The following ACTR3C variants were observed in gnomAD, a reference collection of about 807,000 sequenced individuals.
The protein encoded by ACTR3C is actin-related protein 3C.
Under a neutral mutation model 26.3 loss-of-function variants are expected in ACTR3C, and 18 were observed. That is an observed-to-expected ratio of 0.68 (90% CI 0.47 to 1.01). The LOEUF (loss-of-function observed/expected upper bound fraction) is 1.01. Among genes scored for constraint, ACTR3C ranks in the 50% least tolerant of loss-of-function variants. ACTR3C has a pLI of 0.00. For missense variants in ACTR3C, 184 were observed against 250.7 expected (o/e 0.73, Z 1.80); for synonymous variants, 55 against 94.5 (o/e 0.58, Z 2.42).
At chr7:150,183,503 T>C in the ACTR3C span, among the ~76,000 whole-genome samples, 2 of 149,732 alleles carry the variant, frequency 1.3e-5, no homozygotes, top group Non-Finnish European at 2.9e-5. Flanking sequence ...GGTATGGACA[T>C]ACTCAGTTTT....
the ACTR3C span, among the ~76,000 whole-genome samples, chr7:150,220,667 A>T: frequency 6.6e-5 from 10 of 151,828 alleles, no homozygotes; most frequent in Non-Finnish European, 1.0e-4. Context: ...GTGTGGGGAG[A>T]GCCAGGGGGA....
chr7:149,955,849 A>C, the ACTR3C span, among the ~76,000 whole-genome samples: 1 of 152,144 alleles, frequency 6.6e-6, no homozygotes, highest in South Asian at 2.1e-4. Context: ...AGGTAAGCAG[A>C]CTCAGCTTCT....
chr7:150,074,967 A>T, the ACTR3C span, among the ~76,000 whole-genome samples: 1 of 151,562 alleles, frequency 6.6e-6, no homozygotes, highest in East Asian at 1.9e-4. Context: ...TGCACTAGGT[A>T]TATTTCTATT....
chr7:150,282,280 T>C (rs1441935596), intron 6 of ACTR3C, among the ~76,000 whole-genome samples: 3 of 150,892 alleles, frequency 2.0e-5, no homozygotes, highest in Admixed American at 1.3e-4. Context: ...AACACGGTGG[T>C]GGAGCCTACT....
At chr7:150,171,841 C>G in the ACTR3C span, among the ~76,000 whole-genome samples, 1 of 149,594 alleles carries the variant, frequency 6.7e-6, no homozygotes, top group Non-Finnish European at 1.5e-5. Flanking sequence ...TTGAGATAGT[C>G]TCACTCTGTT....
the ACTR3C span, among the ~76,000 whole-genome samples, chr7:150,015,773 C>T: frequency 5.3e-5 from 8 of 152,316 alleles, no homozygotes; most frequent in Non-Finnish European, 8.8e-5. Flanking sequence ...CCACAGTGAC[C>T]GCTCCCTCCT....
chr7:150,033,161 C>T, the ACTR3C span, among the ~76,000 whole-genome samples: 1 of 152,140 alleles, frequency 6.6e-6, no homozygotes, highest in Admixed American at 6.5e-5. Flanking sequence ...AGTGTCCCCT[C>T]CCTGCAGCAG....
the ACTR3C span, among the ~76,000 whole-genome samples, chr7:149,897,886 A>AT: frequency 6.6e-6 from 1 of 152,168 alleles, no homozygotes; most frequent in African/African-American, 2.4e-5. Context: ...TCAAAAAAAA[A>AT]ATAAAAAAGA....
chr7:150,112,355 G>T, the ACTR3C span, among the ~76,000 whole-genome samples: 1 of 152,188 alleles, frequency 6.6e-6, no homozygotes, highest in Non-Finnish European at 1.5e-5. Context: ...CGGTAACACT[G>T]TCCATCTCTT....
the ACTR3C span, among the ~76,000 whole-genome samples, chr7:150,079,024 G>A: frequency 0.13 from 20,367 of 151,946 alleles, 1,448 homozygotes; most frequent in South Asian, 0.23. Context: ...TTACTGCATC[G>A]TGAGCCTTCA....
rs1367659657 is a variant in ACTR3C at position 150,250,782 on chromosome 7, G to C, written c.565-1728C>G. 2.6e-5 allele frequency among the ~76,000 whole-genome samples: 4 copies of C among 151,944 alleles called. No homozygotes were observed. In the East Asian group the frequency reaches 7.7e-4, roughly 29 times the overall value. On this transcript the variant is annotated intron_variant, in intron 6 of 7. Transcript: ENST00000683684. ...GAAGAAGACTGCGGGAGAGCAAGTGGGGTGGAAGATCAGAAGTCTGGCTAG... is the reference window on the plus strand; with the variant it reads ...GAAGAAGACTGCGGGAGAGCAAGTGCGGTGGAAGATCAGAAGTCTGGCTAG...
chr7:149,917,981 C>A, the ACTR3C span, among the ~76,000 whole-genome samples: 2 of 152,084 alleles, frequency 1.3e-5, no homozygotes, highest in Non-Finnish European at 2.9e-5. Context: ...TTTAAAGCAA[C>A]GCACAATCTC....
the ACTR3C span, among the ~76,000 whole-genome samples, chr7:150,199,848 C>T: frequency 6.6e-6 from 1 of 150,664 alleles, no homozygotes; most frequent in Non-Finnish European, 1.5e-5. Context: ...CAAAATATCA[C>T]CTTGTATACC....
chr7:150,093,996 T>C, the ACTR3C span, among the ~76,000 whole-genome samples: 1 of 150,420 alleles, frequency 6.6e-6, no homozygotes, highest in East Asian at 1.9e-4. Context: ...TAGCCTCGGT[T>C]TTCTGGTGAG....
At chr7:149,977,987 G>A in the ACTR3C span, among the ~76,000 whole-genome samples, 19 of 151,186 alleles carry the variant, frequency 1.3e-4, no homozygotes, top group South Asian at 3.6e-3. Context: ...ATAAGATGAC[G>A]ACCTGACACA....
the ACTR3C span, among the ~76,000 whole-genome samples, chr7:150,163,259 C>T: frequency 6.6e-6 from 1 of 151,838 alleles, no homozygotes; most frequent in Non-Finnish European, 1.5e-5. Context: ...ACTTGAAATT[C>T]CTGGGGAGTA....
At chr7:150,068,956 AG>A in the ACTR3C span, among the ~76,000 whole-genome samples, 1 of 152,188 alleles carries the variant, frequency 6.6e-6, no homozygotes, top group East Asian at 1.9e-4. Context: ...TGCACTCTAA[AG>A]CTCGTTCCTT....
the ACTR3C span, among the ~76,000 whole-genome samples, chr7:150,081,593 C>T: frequency 2.0e-5 from 3 of 151,460 alleles, no homozygotes; most frequent in African/African-American, 7.4e-5. Flanking sequence ...TAAATAGATG[C>T]ATCACAGATA....
At chr7:150,154,765 T>C in the ACTR3C span, among the ~76,000 whole-genome samples, 1 of 152,030 alleles carries the variant, frequency 6.6e-6, no homozygotes, top group Non-Finnish European at 1.5e-5. Flanking sequence ...CCTCTGAGTT[T>C]GTAATTTAGC....
Sources: allele counts gnomAD v4.1 joint callset (sites outside exome capture counted in the v4.1 genomes callset), GRCh38; gene constraint gnomAD v4.1.1; transcripts MANE v1.5; gene names NCBI Gene and HGNC (gene_info 2026-07-23, HGNC 2026-07-21).